RAB31: variants seen among roughly 807,000 people sequenced by gnomAD.
The protein encoded by RAB31 is ras-related protein Rab-31.
In RAB31, 21 loss-of-function variants were observed where a neutral mutation model predicts 25.6. The ratio of observed to expected loss-of-function variants is 0.82; its 90% CI spans 0.58 to 1.18. The LOEUF (loss-of-function observed/expected upper bound fraction) is 1.18. Ranked by LOEUF, RAB31 falls within the 50% of genes most tolerant of loss-of-function variation. The pLI, the probability that RAB31 is intolerant of heterozygous loss-of-function variation, is 0.00. For missense variants in RAB31, 196 were observed against 250.1 expected (o/e 0.78, Z 1.46); for synonymous variants, 87 against 84.0 (o/e 1.04, Z -0.20).
intron 5 of RAB31, among the ~76,000 whole-genome samples, chr18:9,833,508 G>C (rs1027430665): frequency 6.6e-6 from 1 of 152,198 alleles, no homozygotes; most frequent in East Asian, 1.9e-4. Flanking sequence ...CTCCCTTTAA[G>C]TTACTTTTGC....
At position 9,859,602 on chromosome 18, in the gene RAB31, A is replaced by C. The variant is rs1004997950; in HGVS notation, c.*277A>C. The stretch of plus-strand genomic sequence containing the variant: ...TTGCATTTTTGCTAAAAAAAAAAAA[A>C]AACCTTTAAAAATTGTTGGATGTGT... On this transcript the variant is annotated 3_prime_UTR_variant, in exon 7 of 7. Coordinates refer to ENST00000578921, the MANE Select transcript of RAB31 (RefSeq NM_006868.4). 4.0e-5 allele frequency: 12 copies of C among 302,388 alleles called. No homozygotes were observed. The highest frequency in any genetic ancestry group is 6.7e-5 in the Non-Finnish European group (11 of 165,266). The allele number at this position is 302,388 out of a possible 1,614,324, so 18.7% of individuals were successfully genotyped here.
Position 9,736,786 on chromosome 18 carries a change from TA to T in RAB31, c.39+28345del, listed in dbSNP as rs2068153265. 2.0e-5 allele frequency among the ~76,000 whole-genome samples: 3 copies of T among 152,320 alleles called. No homozygotes were observed. In the South Asian group the frequency reaches 6.2e-4, roughly 32 times the overall value. ...GTGGTGGTAAAAAAACTTGGCTTTG[TA>T]AATTTTGTGTAATTCGTATTAGAAG... On this transcript the variant is annotated intron_variant, in intron 1 of 6. Transcript: ENST00000578921.
At chr18:9,767,882 C>T (rs2068324405) in intron 1 of RAB31, among the ~76,000 whole-genome samples, 1 of 152,078 alleles carries the variant, frequency 6.6e-6, no homozygotes, top group Admixed American at 6.5e-5. Flanking sequence ...CCCCTGCCCC[C>T]TGACAGGCCC....
intron 3 of RAB31, among the ~76,000 whole-genome samples, chr18:9,811,949 A>G (rs910542643): frequency 6.6e-6 from 1 of 152,234 alleles, no homozygotes; most frequent in Non-Finnish European, 1.5e-5. Flanking sequence ...GGCTTAAACA[A>G]CACACGTTGA....
In RAB31 at chr18:9,708,464, C is replaced by T. The variant is rs1156776028; in HGVS notation, c.39+20C>T. ...CTCGGGGTGAGTCCTGGCCGCCACC[C>T]GCCGGCGGACCCCGGCCCGCGCTCT... On this transcript the variant is annotated intron_variant, in intron 1 of 6. Transcript: ENST00000578921. The surrounding 1 kb of genome is among the most constrained non-coding windows in gnomAD (Gnocchi z 6.4). The T allele has an allele frequency of 3.9e-6, 6 of 1,551,740 alleles. No homozygotes were observed. Among genetic ancestry groups the T allele is most frequent in the Non-Finnish European group, 5.2e-6 (6 of 1,150,426 alleles).
At chr18:9,818,851 T>G (rs552518746) in intron 5 of RAB31, among the ~76,000 whole-genome samples, 1 of 152,226 alleles carries the variant, frequency 6.6e-6, no homozygotes, top group Non-Finnish European at 1.5e-5. Context: ...GGTGTGAGAT[T>G]GTGTCACTGT....
intron 6 of RAB31, 38 bp downstream of exon 6, chr18:9,845,729 TTTTTATGCTTCTGGGAG>T (rs2143135896): frequency 4.6e-6 from 7 of 1,515,794 alleles, no homozygotes; most frequent in Middle Eastern, 1.7e-4. Flanking sequence ...CCAACTTGCA[TTTTTATGCTTCTGGGAG>T]TCAAAGGATA....
rs2067996430 is a variant in RAB31, at chr18:9,708,346, C to T, written c.-60C>T. 5 of 1,358,862 alleles carry T rather than the reference C, an allele frequency of 3.7e-6. No homozygotes were observed. In the South Asian group the frequency reaches 7.6e-5, roughly 21 times the overall value. The allele number at this position is 1,358,862 out of a possible 1,614,324, so 84.2% of individuals were successfully genotyped here. ...GCAGAGGCGAGAGACGCCGGCGGGG[C>T]GCGGGCGCGGCGGCCCCGGAGGATG... On this transcript the variant is annotated 5_prime_UTR_variant, in exon 1 of 7. Coordinates refer to ENST00000578921, the MANE Select transcript of RAB31 (RefSeq NM_006868.4). The surrounding 1 kb of genome is among the most constrained non-coding windows in gnomAD (Gnocchi z 6.4).
intron 2 of RAB31, among the ~76,000 whole-genome samples, chr18:9,782,384 A>G (rs538888528): frequency 6.6e-6 from 1 of 152,324 alleles, no homozygotes; most frequent in African/African-American, 2.4e-5. Context: ...TCCCACTGGA[A>G]TCACACGACC....
At position 9,747,051 on chromosome 18, in the gene RAB31, T is replaced by C. The variant is rs970890632; in HGVS notation, c.40-28227T>C. Among the ~76,000 whole-genome samples the C allele has an allele frequency of 5.3e-5, 8 of 152,234 alleles. 1 individual carries two copies. Among genetic ancestry groups the C allele is most frequent in the Non-Finnish European group, 7.4e-5 (5 of 68,002 alleles). Reference sequence around the variant, plus strand: ...CCTGGTATCCAGATATAAAGTACTTTTACAATTCAACACAAAAAGACAAAG... The same window carrying C: ...CCTGGTATCCAGATATAAAGTACTTCTACAATTCAACACAAAAAGACAAAG... On this transcript the variant is annotated intron_variant, in intron 1 of 6. Coordinates refer to ENST00000578921, the MANE Select transcript of RAB31 (RefSeq NM_006868.4).
At chr18:9,783,265 C>T (rs78276544) in intron 2 of RAB31, among the ~76,000 whole-genome samples, 9,095 of 152,186 alleles carry the variant, frequency 0.06, 913 homozygotes, top group African/African-American at 0.21. Context: ...AAGGGCTTTA[C>T]GGGCTGGTTC....
At chr18:9,859,126 G>A (rs2068834043) in intron 6 of RAB31, 102 bp from the exon 7 acceptor site, 2 of 815,256 alleles carry the variant, frequency 2.5e-6, no homozygotes, top group Non-Finnish European at 3.7e-6. Flanking sequence ...CCTTTATTTT[G>A]TGCACAGCCC....
At chr18:9,773,820 G>A (rs953515643) in intron 1 of RAB31, among the ~76,000 whole-genome samples, 4 of 151,868 alleles carry the variant, frequency 2.6e-5, no homozygotes, top group Non-Finnish European at 1.5e-5. Context: ...CGCCACACCC[G>A]GCTAATTTTT....
At chr18:9,741,632 C>G (rs1318316763) in intron 1 of RAB31, among the ~76,000 whole-genome samples, 1 of 152,126 alleles carries the variant, frequency 6.6e-6, no homozygotes, top group African/African-American at 2.4e-5. Context: ...GCCAGCCTCT[C>G]TCAGCCTGTG....
intron 1 of RAB31, among the ~76,000 whole-genome samples, chr18:9,748,586 C>T (rs1034185485): frequency 2.6e-5 from 3 of 113,804 alleles, no homozygotes; most frequent in African/African-American, 7.2e-5. Flanking sequence ...TAGATCACAT[C>T]TGTTGATATT....
intron 6 of RAB31, among the ~76,000 whole-genome samples, chr18:9,857,101 C>A (rs760688564): frequency 3.3e-5 from 5 of 152,180 alleles, no homozygotes; most frequent in Non-Finnish European, 5.9e-5. Flanking sequence ...CTCTGTAGAT[C>A]TCTGTTGGCT....
chr18:9,854,244 C>T (rs956979037), intron 6 of RAB31, among the ~76,000 whole-genome samples: 2 of 151,914 alleles, frequency 1.3e-5, no homozygotes, highest in Non-Finnish European at 2.9e-5. Flanking sequence ...TTTTCTGTTC[C>T]TGTGTTAGTT....
chr18:9,726,193 G>A (rs906524922), intron 1 of RAB31: 1 of 152,198 alleles, frequency 6.6e-6, no homozygotes, highest in Non-Finnish European at 1.5e-5. Context: ...TTTCTCATAG[G>A]ATACTTTTTA....
At chr18:9,833,770 T>G (rs2068691114) in intron 5 of RAB31, among the ~76,000 whole-genome samples, 1 of 152,222 alleles carries the variant, frequency 6.6e-6, no homozygotes, top group South Asian at 2.1e-4. Flanking sequence ...AAGCCATATC[T>G]GATCTATGAG....
Sources: allele counts gnomAD v4.1 joint callset (sites outside exome capture counted in the v4.1 genomes callset), GRCh38; gene constraint gnomAD v4.1.1; non-coding constraint Gnocchi (gnomAD v3.1); transcripts MANE v1.5; gene names NCBI Gene and HGNC (gene_info 2026-07-23, HGNC 2026-07-21).